The following DPP10 variants were observed in gnomAD, a reference collection of about 807,000 sequenced individuals.
DPP10 encodes the protein inactive dipeptidyl peptidase 10.
DPP10 carries 33 observed loss-of-function variants against 120.9 expected under a neutral mutation model. The observed-to-expected ratio is 0.27, with a 90% CI of 0.21 to 0.37. The LOEUF (loss-of-function observed/expected upper bound fraction) is 0.37, where lower values mean the gene tolerates loss of function less well. Ranked by LOEUF, DPP10 falls within the 10% of genes least tolerant of loss-of-function variation. The probability of loss-of-function intolerance (pLI) is 1.00; values close to 1 mark genes in which losing one functional copy is unlikely to be tolerated. For missense variants in DPP10, 816 were observed against 942.8 expected, an observed-to-expected ratio of 0.87 and a Z score of 1.76; for synonymous variants, 337 against 326.1, an observed-to-expected ratio of 1.03 and a Z score of -0.36.
chr2:115,341,355 C>G (rs1177406896), intron 2 of DPP10, among the ~76,000 whole-genome samples: 1 of 152,054 alleles, frequency 6.6e-6, no homozygotes, highest in African/African-American at 2.4e-5. Flanking sequence ...TCTCTTCCCC[C>G]TGACCCCCCT....
At chr2:115,213,023 A>G (rs1018275363) in intron 1 of DPP10, among the ~76,000 whole-genome samples, 1 of 152,126 alleles carries the variant, frequency 6.6e-6, no homozygotes, top group Non-Finnish European at 1.5e-5. Flanking sequence ...TTGAATTTTC[A>G]TCACGCTGTT....
intron 21 of DPP10, among the ~76,000 whole-genome samples, chr2:115,820,265 A>G (rs1687674292): frequency 6.6e-6 from 1 of 152,158 alleles, no homozygotes; most frequent in Non-Finnish European, 1.5e-5. Flanking sequence ...TGAAATATCA[A>G]TTGATTTATG....
chr2:114,949,112 A>G (rs1313342537), intron 1 of DPP10, among the ~76,000 whole-genome samples: 2 of 151,880 alleles, frequency 1.3e-5, no homozygotes, highest in African/African-American at 4.8e-5. Flanking sequence ...TTTAGTAGAG[A>G]CGGGGTTTCA....
At chr2:114,950,781 T>G (rs1409144311) in intron 1 of DPP10, among the ~76,000 whole-genome samples, 1 of 152,084 alleles carries the variant, frequency 6.6e-6, no homozygotes, top group African/African-American at 2.4e-5. Context: ...CACTGAAAAA[T>G]GTCAGATTAT....
At chr2:115,420,119 G>C (rs2069804930) in intron 3 of DPP10, among the ~76,000 whole-genome samples, 1 of 152,132 alleles carries the variant, frequency 6.6e-6, no homozygotes, top group Non-Finnish European at 1.5e-5. Context: ...CCAGAACTTG[G>C]TTAACCCAAA....
At chr2:115,430,884 T>C (rs2070914299) in intron 3 of DPP10, among the ~76,000 whole-genome samples, 1 of 152,176 alleles carries the variant, frequency 6.6e-6, no homozygotes, top group African/African-American at 2.4e-5. Flanking sequence ...GGAACACTTC[T>C]TTTTTTCTTG....
chr2:115,275,585 C>T (rs1484209929), intron 1 of DPP10, among the ~76,000 whole-genome samples: 1 of 151,872 alleles, frequency 6.6e-6, no homozygotes, highest in East Asian at 1.9e-4. Flanking sequence ...AAAGGCAAGC[C>T]TTTCTTCTTT....
chr2:114,561,796 T>G (rs1316581100), intron 1 of DPP10, among the ~76,000 whole-genome samples: 1 of 152,346 alleles, frequency 6.6e-6, no homozygotes, highest in African/African-American at 2.4e-5. Context: ...CTTTATAAAC[T>G]ATTGAAGCTG....
At chr2:115,579,815 T>G (rs1204776834) in intron 5 of DPP10, 1 of 152,186 alleles carries the variant, frequency 6.6e-6, no homozygotes, top group African/African-American at 2.4e-5. Flanking sequence ...AAAAATTAAT[T>G]TTAATTTTTG....
At chr2:115,169,538 C>T (rs927787281) in intron 1 of DPP10, among the ~76,000 whole-genome samples, 1 of 152,052 alleles carries the variant, frequency 6.6e-6, no homozygotes, top group Admixed American at 6.6e-5. Context: ...GACAACTTGA[C>T]TGATTTCTAC....
intron 1 of DPP10, among the ~76,000 whole-genome samples, chr2:114,748,535 C>T (rs1273175132): frequency 1.6e-5 from 2 of 122,794 alleles, no homozygotes; most frequent in Non-Finnish European, 3.4e-5. Context: ...GTATATCTCC[C>T]AATGCTATCC....
intron 3 of DPP10, among the ~76,000 whole-genome samples, chr2:115,380,416 T>C (rs1345100638): frequency 6.6e-6 from 1 of 152,202 alleles, no homozygotes; most frequent in Non-Finnish European, 1.5e-5. Context: ...TAGATCTTCT[T>C]CCATCCTTTG....
intron 5 of DPP10, among the ~76,000 whole-genome samples, chr2:115,528,688 G>A (rs2078279323): frequency 6.6e-6 from 1 of 151,916 alleles, no homozygotes; most frequent in South Asian, 2.1e-4. Flanking sequence ...GCAATACAAA[G>A]GAACAAGCTT....
At position 114,821,055 on chromosome 2, in the gene DPP10, G is replaced by A. The variant is rs939112070; in HGVS notation, c.60+378217G>A. On this transcript the variant is annotated intron_variant, in intron 1 of 25. Transcript: ENST00000410059. ...CAGATCCCTGGTACACAGACAGAGGGAGGGGGCCTCCAAAGCCAAAAGAGG... is the reference window on the plus strand; with the variant it reads ...CAGATCCCTGGTACACAGACAGAGGAAGGGGGCCTCCAAAGCCAAAAGAGG... Among the ~76,000 whole-genome samples, 5 of 152,338 alleles carry A rather than the reference G, an allele frequency of 3.3e-5. No homozygotes were observed. The East Asian group carries it at 7.7e-4, about 23-fold the overall frequency.
chr2:115,840,578 C>A (rs1690037817), intron 24 of DPP10, among the ~76,000 whole-genome samples, 172 bp from the exon 25 acceptor site: 1 of 151,828 alleles, frequency 6.6e-6, no homozygotes. Flanking sequence ...CCCACCTCGG[C>A]CTCCCAAAGT....
intron 1 of DPP10, among the ~76,000 whole-genome samples, chr2:115,107,958 T>C (rs1375243567): frequency 6.6e-6 from 1 of 152,168 alleles, no homozygotes; most frequent in East Asian, 1.9e-4. Context: ...TTATACATAT[T>C]TGATCAGTAT....
intron 2 of DPP10, among the ~76,000 whole-genome samples, chr2:115,323,346 T>G (rs1259166011): frequency 6.6e-6 from 1 of 152,220 alleles, no homozygotes; most frequent in Non-Finnish European, 1.5e-5. Context: ...TTCATCTTCA[T>G]GTTCCACTTT....
intron 25 of DPP10, among the ~76,000 whole-genome samples, chr2:115,841,767 A>G (rs925889832): frequency 3.3e-5 from 5 of 152,236 alleles, no homozygotes; most frequent in Admixed American, 2.6e-4. Context: ...TGCACCAGAC[A>G]ATGTTAAAGA....
intron 12 of DPP10, among the ~76,000 whole-genome samples, chr2:115,766,306 G>GTATA (rs1559128090): frequency 3.1e-3 from 201 of 65,064 alleles, no homozygotes; most frequent in Middle Eastern, 0.011. Flanking sequence ...GTGTGTGTGT[G>GTATA]TGTGTATATA....
Sources: gnomAD v4.1 joint callset for allele counts (sites outside exome capture counted in the v4.1 genomes callset) on GRCh38, gnomAD v4.1.1 for gene constraint, MANE v1.5 for transcripts, NCBI Gene and HGNC (gene_info 2026-07-23, HGNC 2026-07-21) for gene names.